Variants in SORCS1 observed in about 807,000 individuals in gnomAD.
The protein encoded by SORCS1 is VPS10 domain-containing receptor SorCS1.
In SORCS1, 60 loss-of-function variants were observed where a neutral mutation model predicts 146.1. The ratio of observed to expected loss-of-function variants is 0.41; its 90% CI spans 0.33 to 0.51. The LOEUF (loss-of-function observed/expected upper bound fraction) is 0.51, where lower values mean the gene tolerates loss of function less well. Among genes scored for constraint, SORCS1 ranks in the 20% least tolerant of loss-of-function variants. The pLI is 0.21. For missense variants in SORCS1, 1,352 were observed against 1,487.6 expected (o/e 0.91, Z 1.50); for synonymous variants, 637 against 584.0 (o/e 1.09, Z -1.31).
At chr10:107,154,894 T>A (rs192794515) in intron 1 of SORCS1, among the ~76,000 whole-genome samples, 1 of 152,182 alleles carries the variant, frequency 6.6e-6, no homozygotes, top group Non-Finnish European at 1.5e-5. Context: ...CAAGCCACCA[T>A]ATAAGAAATA....
At position 106,645,146 on chromosome 10, in the gene SORCS1, T is replaced by TG. The variant is rs1350256820; in HGVS notation, c.2475+7235_2475+7236insC. On this transcript the variant is annotated intron_variant, in intron 18 of 25. Coordinates refer to ENST00000263054, the MANE Select transcript of SORCS1 (RefSeq NM_052918.5). ...AACACCTGATATTATTAGCATTTTT[T>TG]TTTTTTTGAGAGGGTGTCTTATTAT... Among the ~76,000 whole-genome samples, 3 of 147,502 alleles carry TG rather than the reference T, an allele frequency of 2.0e-5. No individual in the cohort carries two copies. The Admixed American group carries it at 2.1e-4, about 10-fold the overall frequency.
chr10:106,751,492 G>A (rs547817340), intron 5 of SORCS1, among the ~76,000 whole-genome samples: 2 of 152,148 alleles, frequency 1.3e-5, no homozygotes, highest in African/African-American at 2.4e-5. Context: ...GGACAGGCTC[G>A]CACTGTGAGA....
chr10:106,793,863 C>A (rs11193054), intron 3 of SORCS1, among the ~76,000 whole-genome samples: 3 of 152,110 alleles, frequency 2.0e-5, no homozygotes, highest in East Asian at 3.9e-4. Flanking sequence ...AACAGGAAGA[C>A]AGAATAAACA....
intron 16 of SORCS1, among the ~76,000 whole-genome samples, chr10:106,670,194 G>A (rs1347971249): frequency 6.6e-6 from 1 of 152,222 alleles, no homozygotes; most frequent in Non-Finnish European, 1.5e-5. Flanking sequence ...TATCAAGGGA[G>A]TTACCACCTA....
Position 106,629,206 on chromosome 10 carries a change from T to C in SORCS1, c.2658A>G (p.Val886=). 6.2e-7 allele frequency: 1 copy of C among 1,612,128 alleles called. No individual in the cohort carries two copies. The highest frequency in any genetic ancestry group is 8.5e-7 in the Non-Finnish European group (1 of 1,178,476). ...GSDSAVLYLH[V]TCPLEHVHLS... ...CCAACAACAGTAATAACATACAAGT[T>C]ACATGTAAGTACAGGACGGCGCTGT... The change falls in exon 19 of 26, where the codon GTA becomes GTG. Residue 886 remains valine (V), a synonymous_variant. Transcript: ENST00000263054.
intron 18 of SORCS1, among the ~76,000 whole-genome samples, chr10:106,651,613 C>A (rs1042909487): frequency 6.6e-6 from 1 of 152,126 alleles, no homozygotes; most frequent in Non-Finnish European, 1.5e-5. Flanking sequence ...TTCATATTTA[C>A]AGAGCTTTAC....
intron 1 of SORCS1, among the ~76,000 whole-genome samples, chr10:107,125,280 A>G (rs1966651677): frequency 6.6e-6 from 1 of 151,896 alleles, no homozygotes; most frequent in South Asian, 2.1e-4. Context: ...CAAAATGCCC[A>G]TTTTCTTTAT....
intron 25 of SORCS1, chr10:106,577,835 CATTT>C (rs1458743221): frequency 1.3e-5 from 4 of 315,342 alleles, no homozygotes; most frequent in Admixed American, 9.5e-5. Context: ...AGCAATCACA[CATTT>C]ATTACCTTGC....
intron 2 of SORCS1, among the ~76,000 whole-genome samples, chr10:106,864,490 C>T (rs371870847): frequency 4.4e-4 from 67 of 152,244 alleles, no homozygotes; most frequent in East Asian, 3.7e-3. Context: ...CATGCAGAGA[C>T]GTGGGAACCT....
chr10:106,832,405 C>T (rs760353416), intron 2 of SORCS1, among the ~76,000 whole-genome samples: 4 of 151,870 alleles, frequency 2.6e-5, no homozygotes, highest in Non-Finnish European at 5.9e-5. Context: ...GTCAGGCTGG[C>T]CTTGAACTCC....
intron 24 of SORCS1, among the ~76,000 whole-genome samples, chr10:106,584,243 T>C (rs1845089964): frequency 6.6e-6 from 1 of 152,236 alleles, no homozygotes; most frequent in African/African-American, 2.4e-5. Context: ...GCACTTTCAG[T>C]TGTCCAATGG....
At chr10:107,144,680 A>T (rs568122217) in intron 1 of SORCS1, among the ~76,000 whole-genome samples, 5 of 152,352 alleles carry the variant, frequency 3.3e-5, no homozygotes, top group African/African-American at 1.2e-4. Flanking sequence ...ACCCCAGCTG[A>T]AGAGCCAGGT....
At chr10:107,035,843 T>C (rs541783163) in intron 1 of SORCS1, among the ~76,000 whole-genome samples, 3 of 151,848 alleles carry the variant, frequency 2.0e-5, no homozygotes, top group African/African-American at 7.2e-5. Context: ...ACAAATATCC[T>C]ATGAAATCAA....
At chr10:106,897,065 G>C (rs956755332) in intron 2 of SORCS1, among the ~76,000 whole-genome samples, 71 of 151,936 alleles carry the variant, frequency 4.7e-4, no homozygotes, top group East Asian at 1.9e-4. Context: ...TAATTTTTTT[G>C]TATTTTTTTA....
At chr10:107,099,643 A>G (rs1306615128) in intron 1 of SORCS1, among the ~76,000 whole-genome samples, 1 of 152,214 alleles carries the variant, frequency 6.6e-6, no homozygotes, top group Non-Finnish European at 1.5e-5. Flanking sequence ...TGTATATTAA[A>G]CAATGCTGGT....
intron 3 of SORCS1, among the ~76,000 whole-genome samples, chr10:106,804,796 C>T (rs577280671): frequency 6.7e-4 from 102 of 152,112 alleles, no homozygotes; most frequent in Admixed American, 1.2e-3. Flanking sequence ...GGTACAGAAG[C>T]GTACTCAGAA....
intron 4 of SORCS1, among the ~76,000 whole-genome samples, chr10:106,768,287 C>G (rs183812525): frequency 2.6e-5 from 4 of 152,310 alleles, no homozygotes; most frequent in African/African-American, 9.6e-5. Flanking sequence ...AAAATCCTGC[C>G]AAACCAGCAT....
At chr10:106,692,038 C>CTGTTTGTT (rs531731642) in intron 9 of SORCS1, among the ~76,000 whole-genome samples, 7 of 152,042 alleles carry the variant, frequency 4.6e-5, no homozygotes, top group African/African-American at 1.7e-4. Flanking sequence ...ACAAAGAACC[C>CTGTTTGTT]TGTTTGTTTG....
intron 18 of SORCS1, among the ~76,000 whole-genome samples, chr10:106,648,003 G>A (rs1222055695): frequency 6.6e-6 from 1 of 151,860 alleles, no homozygotes. Flanking sequence ...AAGTAGCTGG[G>A]ACCACAGACA....
Sources: gnomAD v4.1 joint callset for allele counts (sites outside exome capture counted in the v4.1 genomes callset) on GRCh38, gnomAD v4.1.1 for gene constraint, MANE v1.5 for transcripts, NCBI Gene and HGNC (gene_info 2026-07-23, HGNC 2026-07-21) for gene names.